Variants in LDB2 observed in about 807,000 individuals in gnomAD.
The protein encoded by LDB2 is LIM domain binding 2.
A neutral mutation model predicts 44.3 loss-of-function variants in LDB2; 12 were observed. The ratio of observed to expected loss-of-function variants is 0.27; its 90% CI spans 0.17 to 0.44. LDB2 has a LOEUF of 0.44. LDB2 is among the 20% of genes least tolerant of loss of function. LDB2 has a pLI of 1.00. For missense variants in LDB2, 344 were observed against 473.5 expected, an observed-to-expected ratio of 0.73 and a Z score of 2.54; for synonymous variants, 164 against 174.8, an observed-to-expected ratio of 0.94 and a Z score of 0.49.
intron 6 of LDB2, among the ~76,000 whole-genome samples, chr4:16,510,096 A>G (rs1427992809): frequency 1.3e-5 from 2 of 152,168 alleles, no homozygotes; most frequent in Non-Finnish European, 2.9e-5. Context: ...CCTGGGTGAC[A>G]GAGCAAGACC....
At chr4:16,566,284 A>G (rs981132930) in intron 5 of LDB2, among the ~76,000 whole-genome samples, 2 of 152,148 alleles carry the variant, frequency 1.3e-5, no homozygotes, top group African/African-American at 4.8e-5. Context: ...TATATTATAA[A>G]GAAATAATAA....
chr4:16,572,346 G>T (rs753368865), intron 5 of LDB2, among the ~76,000 whole-genome samples: 6 of 152,224 alleles, frequency 3.9e-5, no homozygotes, highest in Non-Finnish European at 8.8e-5. Context: ...TAGACTGACT[G>T]CCAATTTCCC....
chr4:16,721,442 G>A (rs561914524), intron 2 of LDB2, among the ~76,000 whole-genome samples: 25 of 152,114 alleles, frequency 1.6e-4, no homozygotes, highest in Admixed American at 2.6e-4. Context: ...ATAGAATTCC[G>A]GTTCTCCCTT....
intron 1 of LDB2, among the ~76,000 whole-genome samples, chr4:16,780,142 C>CA (rs1056018209): frequency 7.2e-4 from 109 of 152,030 alleles, no homozygotes; most frequent in Non-Finnish European, 1.4e-3. Context: ...TGAATAAAAC[C>CA]AAAAAAATTA....
chr4:16,868,019 T>G (rs1486021358), intron 1 of LDB2, among the ~76,000 whole-genome samples: 1 of 152,200 alleles, frequency 6.6e-6, no homozygotes, highest in Non-Finnish European at 1.5e-5. Flanking sequence ...CCCAGAAAGA[T>G]TGTCATTATA....
intron 5 of LDB2, among the ~76,000 whole-genome samples, chr4:16,529,661 G>A (rs916653597): frequency 1.3e-5 from 2 of 151,990 alleles, no homozygotes; most frequent in South Asian, 2.1e-4. Flanking sequence ...CTTCTTCCTC[G>A]TGTCCTATCT....
intron 2 of LDB2, among the ~76,000 whole-genome samples, chr4:16,676,727 T>C (rs969553142): frequency 1.3e-5 from 2 of 152,202 alleles, no homozygotes; most frequent in Admixed American, 1.3e-4. Context: ...GGACACTTGC[T>C]TTCAGAAACA....
intron 1 of LDB2, among the ~76,000 whole-genome samples, chr4:16,807,906 C>T (rs2109817759): frequency 6.6e-6 from 1 of 152,190 alleles, no homozygotes; most frequent in African/African-American, 2.4e-5. Context: ...TATCTCTTAC[C>T]AACGGGGAAT....
intron 4 of LDB2, among the ~76,000 whole-genome samples, chr4:16,588,029 A>T (rs950393415): frequency 1.3e-5 from 2 of 152,180 alleles, no homozygotes; most frequent in African/African-American, 2.4e-5. Flanking sequence ...TGGAAGCATC[A>T]TGTATTATAG....
chr4:16,734,516 T>C (rs375072499), intron 2 of LDB2, among the ~76,000 whole-genome samples: 1 of 152,126 alleles, frequency 6.6e-6, no homozygotes, highest in African/African-American at 2.4e-5. Flanking sequence ...CAAACATAGT[T>C]GCACTGCTGA....
At chr4:16,821,820 A>C (rs1027510631) in intron 1 of LDB2, among the ~76,000 whole-genome samples, 1 of 148,804 alleles carries the variant, frequency 6.7e-6, no homozygotes. Context: ...AGGTTCTCTA[A>C]GCCTCATTTT....
chr4:16,786,991 T>C (rs972803137), intron 1 of LDB2, among the ~76,000 whole-genome samples: 19 of 152,268 alleles, frequency 1.2e-4, no homozygotes, highest in African/African-American at 2.6e-4. Flanking sequence ...CCTGAAGTTT[T>C]AGGGTGCTGG....
At position 16,642,005 on chromosome 4, in the gene LDB2, G is replaced by A. The variant is rs1735305540; in HGVS notation, c.236-46130C>T. 2.6e-5 allele frequency among the ~76,000 whole-genome samples: 4 copies of A among 152,170 alleles called. No homozygotes were observed. In the South Asian group the frequency reaches 8.3e-4, roughly 32 times the overall value. ...AAGAAAATTAAGTATCCATAAGTAT[G>A]TAGAATTATTGCCTGTCAACTAAAA... is the stretch of plus-strand genomic sequence containing the variant. On this transcript the variant is annotated intron_variant, in intron 2 of 7. Coordinates refer to ENST00000304523, the MANE Select transcript of LDB2 (RefSeq NM_001290.5).
rs1717574385 is a variant in LDB2 at position 16,501,709 on chromosome 4, G to A, written c.*934C>T. On this transcript the variant is annotated 3_prime_UTR_variant, in exon 8 of 8. Coordinates refer to ENST00000304523, the MANE Select transcript of LDB2 (RefSeq NM_001290.5). Reference sequence around the variant, plus strand: ...TATAAAGTTTCACATAAATACACTGGAGTTGCCCAAAAACGAAAAGTCCCC... The same window carrying A: ...TATAAAGTTTCACATAAATACACTGAAGTTGCCCAAAAACGAAAAGTCCCC... The A allele has an allele frequency of 6.6e-6, 1 of 152,474 alleles. No homozygotes were observed. The highest frequency in any genetic ancestry group is 6.6e-5 in the Admixed American group (1 of 15,254). The allele number at this position is 152,474 out of a possible 1,614,324, so 9.4% of individuals were successfully genotyped here.
intron 1 of LDB2, among the ~76,000 whole-genome samples, chr4:16,807,254 G>A (rs1441606868): frequency 6.6e-6 from 1 of 152,202 alleles, no homozygotes; most frequent in East Asian, 1.9e-4. Flanking sequence ...GATGTTAACA[G>A]TAATGATCTT....
chr4:16,635,810 A>C (rs2152501633), intron 2 of LDB2, among the ~76,000 whole-genome samples: 1 of 152,318 alleles, frequency 6.6e-6, no homozygotes, highest in Non-Finnish European at 1.5e-5. Context: ...ATCAGTTAGC[A>C]AACCATGTAA....
At chr4:16,736,064 C>T (rs1388060967) in intron 2 of LDB2, among the ~76,000 whole-genome samples, 1 of 152,206 alleles carries the variant, frequency 6.6e-6, no homozygotes, top group Non-Finnish European at 1.5e-5. Context: ...CACCAGCCAT[C>T]ACTGGCCAGC....
chr4:16,684,066 T>G (rs1198955039), intron 2 of LDB2, among the ~76,000 whole-genome samples: 1 of 152,240 alleles, frequency 6.6e-6, no homozygotes, highest in Non-Finnish European at 1.5e-5. Flanking sequence ...GGCAGCCAGC[T>G]GGCAGCAACT....
intron 1 of LDB2, among the ~76,000 whole-genome samples, chr4:16,864,391 G>C (rs941086494): frequency 6.3e-5 from 9 of 142,260 alleles, no homozygotes; most frequent in Admixed American, 3.6e-4. Context: ...CCTTAAAATA[G>C]AATAGGTCTC....
Sources: gnomAD v4.1 joint callset for allele counts (sites outside exome capture counted in the v4.1 genomes callset) on GRCh38, gnomAD v4.1.1 for gene constraint, MANE v1.5 for transcripts, NCBI Gene and HGNC (gene_info 2026-07-23, HGNC 2026-07-21) for gene names.